The following FAM53B variants were observed in gnomAD, a reference collection of about 807,000 sequenced individuals.
FAM53B encodes the protein protein FAM53B.
In FAM53B, 12 loss-of-function variants were observed where a neutral mutation model predicts 32.7. That is an observed-to-expected ratio of 0.37 (90% CI 0.24 to 0.59). FAM53B has a LOEUF of 0.59. Among genes scored for constraint, FAM53B ranks in the 20% least tolerant of loss-of-function variants. The probability of loss-of-function intolerance (pLI) is 0.72; values close to 1 mark genes in which losing one functional copy is unlikely to be tolerated. For synonymous variants in FAM53B, 234 were observed against 228.7 expected (o/e 1.02, Z -0.21); for missense variants, 477 against 577.7 (o/e 0.83, Z 1.79).
At chr10:124,717,077 A>C (rs1018529820) in intron 1 of FAM53B, among the ~76,000 whole-genome samples, 2 of 152,216 alleles carry the variant, frequency 1.3e-5, no homozygotes, top group East Asian at 3.9e-4. Flanking sequence ...AGACCCAAAC[A>C]AAAGGCTGTG....
chr10:124,628,324 C>T (rs567757369), intron 4 of FAM53B, among the ~76,000 whole-genome samples: 1 of 152,300 alleles, frequency 6.6e-6, no homozygotes, highest in African/African-American at 2.4e-5. Context: ...GCTGGCTGGT[C>T]AGGTGATATG....
chr10:124,733,357 C>T lies in FAM53B; in HGVS notation c.-175+10656G>A, dbSNP rs879811865. ...CGGTGGAGGCCTCAGGCGCACTGGC[C>T]GCCAAGAGTCAGGTGACTCAGGCCC... On this transcript the variant is annotated intron_variant, in intron 1 of 4. Coordinates refer to ENST00000337318, the MANE Select transcript of FAM53B (RefSeq NM_014661.4). The surrounding 1 kb of genome is among the most constrained non-coding windows in gnomAD (Gnocchi z 4.3). 2.0e-5 allele frequency among the ~76,000 whole-genome samples: 3 copies of T among 152,152 alleles called. No individual in the cohort carries two copies. Among genetic ancestry groups the T allele is most frequent in the South Asian group, 2.1e-4 (1 of 4,826 alleles).
intron 1 of FAM53B, among the ~76,000 whole-genome samples, chr10:124,725,270 G>A (rs374340052): frequency 1.3e-5 from 2 of 152,196 alleles, no homozygotes; most frequent in African/African-American, 2.4e-5. Context: ...GGACTTCAAC[G>A]CACCATTTCC....
chr10:124,694,873 G>C (rs1949859073), intron 3 of FAM53B, among the ~76,000 whole-genome samples: 1 of 152,222 alleles, frequency 6.6e-6, no homozygotes, highest in Non-Finnish European at 1.5e-5. Context: ...GTGTCCCAGA[G>C]CCATGGCAGG....
chr10:124,695,281 A>C (rs1589753473), intron 3 of FAM53B, among the ~76,000 whole-genome samples: 1 of 152,340 alleles, frequency 6.6e-6, no homozygotes, highest in African/African-American at 2.4e-5. Flanking sequence ...AAGGTGGGCA[A>C]GGAGAGCCAC....
In FAM53B at chr10:124,653,965, G is replaced by A. The variant is rs200765079; in HGVS notation, c.906+27642C>T. 8.5e-5 allele frequency among the ~76,000 whole-genome samples: 13 copies of A among 152,324 alleles called. No individual in the cohort carries two copies. In the East Asian group the frequency reaches 1.7e-3, roughly 20 times the overall value. ...CCCACCTGGTAACCTTCTGGAAGCC[G>A]ACCAGGCAGCTCCAATCAGCACCCT... On this transcript the variant is annotated intron_variant, in intron 4 of 4. Coordinates refer to ENST00000337318, the MANE Select transcript of FAM53B (RefSeq NM_014661.4).
intron 4 of FAM53B, among the ~76,000 whole-genome samples, chr10:124,650,964 G>A (rs1015009186): frequency 5.3e-5 from 8 of 151,464 alleles, no homozygotes; most frequent in Admixed American, 1.3e-4. Flanking sequence ...GAGGACTCAC[G>A]GGCGCTGAGT....
At chr10:124,702,866 A>G (rs1296970111) in intron 2 of FAM53B, among the ~76,000 whole-genome samples, 2 of 152,140 alleles carry the variant, frequency 1.3e-5, no homozygotes, top group Non-Finnish European at 1.5e-5. Context: ...TGGCCTCCCC[A>G]TGGTGATCAG....
chr10:124,733,694 CA>C lies in FAM53B; in HGVS notation c.-175+10318del, dbSNP rs1387137366. 1.3e-5 allele frequency among the ~76,000 whole-genome samples: 2 copies of C among 152,170 alleles called. No individual in the cohort carries two copies. Among genetic ancestry groups the C allele is most frequent in the African/African-American group, 2.4e-5 (1 of 41,416 alleles). On this transcript the variant is annotated intron_variant, in intron 1 of 4. Transcript: ENST00000337318. This position sits in a 1 kb window ranked among gnomAD's most constrained non-coding sequence, Gnocchi z 4.3. ...GTTTTGTCTAAAAATAAACAAAGAC[CA>C]CATCACTCTGGCCAAGGCGGCACTT...
chr10:124,724,622 A>T (rs1216821431), intron 1 of FAM53B, among the ~76,000 whole-genome samples: 1 of 152,156 alleles, frequency 6.6e-6, no homozygotes, highest in Non-Finnish European at 1.5e-5. Flanking sequence ...GGATTCTAAG[A>T]GGTCGTCCCA....
At chr10:124,660,734 T>G (rs528099808) in intron 4 of FAM53B, among the ~76,000 whole-genome samples, 2 of 152,210 alleles carry the variant, frequency 1.3e-5, no homozygotes, top group Admixed American at 6.5e-5. Flanking sequence ...TAAGGTCATC[T>G]AGATCAGGTG....
intron 1 of FAM53B, among the ~76,000 whole-genome samples, chr10:124,708,237 A>C (rs1949974934): frequency 6.6e-6 from 1 of 152,244 alleles, no homozygotes; most frequent in South Asian, 2.1e-4. Context: ...CCTGGTATTT[A>C]CTTGCTGTCC....
At chr10:124,707,989 A>G (rs996251329) in intron 1 of FAM53B, 1 of 152,230 alleles carries the variant, frequency 6.6e-6, no homozygotes, top group African/African-American at 2.4e-5. Context: ...CCTTCAGTTC[A>G]GGTTTGAAAA....
chr10:124,706,918 C>G, intron 1 of FAM53B, 31 bp from the exon 2 acceptor site: 1 of 1,426,544 alleles, frequency 7.0e-7, no homozygotes, highest in South Asian at 1.5e-5. Flanking sequence ...CAAAAAGATT[C>G]AGGACTAAGA....
chr10:124,739,094 G>GA (rs893770367), intron 1 of FAM53B, among the ~76,000 whole-genome samples: 3 of 151,756 alleles, frequency 2.0e-5, no homozygotes, highest in Non-Finnish European at 2.9e-5. Context: ...GCAGAGGGGA[G>GA]AGGAGGGGAA....
chr10:124,657,052 G>GTATATATGTATA (rs200227208), intron 4 of FAM53B, among the ~76,000 whole-genome samples: 1 of 143,208 alleles, frequency 7.0e-6, no homozygotes, highest in Non-Finnish European at 1.5e-5. Flanking sequence ...ATATATATAT[G>GTATATATGTATA]TATATATGTA....
chr10:124,691,825 G>C (rs1464995370), intron 3 of FAM53B, among the ~76,000 whole-genome samples: 1 of 152,200 alleles, frequency 6.6e-6, no homozygotes, highest in Non-Finnish European at 1.5e-5. Context: ...AGCCTTGACT[G>C]AGAGTCCACG....
chr10:124,639,041 T>C (rs1049532270), intron 4 of FAM53B, among the ~76,000 whole-genome samples: 9 of 152,152 alleles, frequency 5.9e-5, no homozygotes, highest in Non-Finnish European at 1.2e-4. Context: ...TGGGTGGAGA[T>C]GTGGGGAGAC....
intron 1 of FAM53B, among the ~76,000 whole-genome samples, chr10:124,735,429 C>G (rs184062616): frequency 6.6e-6 from 1 of 152,348 alleles, no homozygotes; most frequent in East Asian, 1.9e-4. Flanking sequence ...CTCTTGGTAA[C>G]AGACACACTG....
Sources: allele counts gnomAD v4.1 joint callset (sites outside exome capture counted in the v4.1 genomes callset), GRCh38; gene constraint gnomAD v4.1.1; non-coding constraint Gnocchi (gnomAD v3.1); transcripts MANE v1.5; gene names NCBI Gene and HGNC (gene_info 2026-07-23, HGNC 2026-07-21).